Variants in FAM117A observed in about 807,000 individuals in gnomAD.
FAM117A encodes the protein protein FAM117A.
In FAM117A, 21 loss-of-function variants were observed where a neutral mutation model predicts 44.1. That is an observed-to-expected ratio of 0.48 (90% CI 0.34 to 0.69). The LOEUF (loss-of-function observed/expected upper bound fraction) is 0.69, where lower values mean the gene tolerates loss of function less well. FAM117A is among the 30% of genes least tolerant of loss of function. The pLI, the probability that FAM117A is intolerant of heterozygous loss-of-function variation, is 0.01. For synonymous variants in FAM117A, 220 were observed against 238.3 expected (o/e 0.92, Z 0.71); for missense variants, 498 against 589.9 (o/e 0.84, Z 1.61).
Position 49,785,055 on chromosome 17 carries a change from G to A in FAM117A, c.-621+3442C>T, listed in dbSNP as rs2073801851. Reference sequence around the variant, plus strand: ...AGAATGTTATAGCCATGATTAGAGTGACTGGAAATATAAATAACAATAGCC... The same window carrying A: ...AGAATGTTATAGCCATGATTAGAGTAACTGGAAATATAAATAACAATAGCC... On this transcript the variant is annotated intron_variant, in intron 1 of 7. Transcript: ENST00000513602. Among the ~76,000 whole-genome samples the A allele has an allele frequency of 2.0e-5, 3 of 152,340 alleles. No individual in the cohort carries two copies. In the South Asian group the frequency reaches 6.2e-4, roughly 32 times the overall value.
intron 1 of FAM117A, among the ~76,000 whole-genome samples, chr17:49,774,412 C>T (rs868279144): frequency 3.4e-5 from 5 of 147,608 alleles, no homozygotes; most frequent in African/African-American, 5.0e-5. Context: ...CAGGCTGGAG[C>T]GCAATGGCGT....
chr17:49,776,028 C>A (rs145915114), intron 1 of FAM117A, among the ~76,000 whole-genome samples: 1 of 152,140 alleles, frequency 6.6e-6, no homozygotes, highest in Admixed American at 6.5e-5. Context: ...AGCACCACCC[C>A]CCTCCCTTCA....
upstream of FAM117A, chr17:49,788,695 AC>A (rs1424905350): frequency 6.6e-6 from 6 of 905,644 alleles, no homozygotes; most frequent in Middle Eastern, 3.6e-4. Flanking sequence ...AACGCTCCAG[AC>A]GCTGAGAGGC....
At chr17:49,736,464 C>T (rs561970861) in intron 1 of FAM117A, among the ~76,000 whole-genome samples, 1 of 152,068 alleles carries the variant, frequency 6.6e-6, no homozygotes, top group East Asian at 1.9e-4. Flanking sequence ...TCACCATGGT[C>T]TCGATCTCCT....
intron 1 of FAM117A, among the ~76,000 whole-genome samples, chr17:49,752,268 C>T (rs529033009): frequency 9.2e-5 from 14 of 152,224 alleles, no homozygotes; most frequent in Admixed American, 7.2e-4. Flanking sequence ...ATGCCTGTCT[C>T]GGAAGAGCAC....
intron 1 of FAM117A, among the ~76,000 whole-genome samples, chr17:49,737,117 TGAGGC>T (rs763327918): frequency 1.3e-5 from 2 of 152,234 alleles, no homozygotes; most frequent in Non-Finnish European, 2.9e-5. Flanking sequence ...TTTCTCTCTC[TGAGGC>T]TCAGGAAGGC....
At chr17:49,781,906 G>A (rs1244246265) in intron 1 of FAM117A, among the ~76,000 whole-genome samples, 1 of 152,074 alleles carries the variant, frequency 6.6e-6, no homozygotes, top group Non-Finnish European at 1.5e-5. Flanking sequence ...AAACCAGGAG[G>A]TTAAGTTTGC....
chr17:49,735,715 T>C (rs2073607792), intron 1 of FAM117A, among the ~76,000 whole-genome samples: 1 of 152,296 alleles, frequency 6.6e-6, no homozygotes, highest in Non-Finnish European at 1.5e-5. Context: ...TCTTCCTGCC[T>C]TGGCCTCCCA....
intron 7 of FAM117A, among the ~76,000 whole-genome samples, chr17:49,713,533 G>T (rs1423043170): frequency 6.6e-6 from 1 of 151,586 alleles, no homozygotes; most frequent in Non-Finnish European, 1.5e-5. Context: ...TTTGGACAGG[G>T]TCTCACTCTG....
intron 1 of FAM117A, among the ~76,000 whole-genome samples, chr17:49,777,131 C>A (rs932850818): frequency 6.6e-6 from 1 of 152,082 alleles, no homozygotes; most frequent in Non-Finnish European, 1.5e-5. Flanking sequence ...ATGATGGGCA[C>A]CCCTGCCTGC....
chr17:49,778,349 C>T (rs2073780607), intron 1 of FAM117A, among the ~76,000 whole-genome samples: 1 of 152,206 alleles, frequency 6.6e-6, no homozygotes, highest in South Asian at 2.1e-4. Context: ...CATGGTCCCT[C>T]CTCTGGAGAA....
upstream of FAM117A, chr17:49,788,936 GGGTCCCA>G (rs1358204390): frequency 8.6e-6 from 11 of 1,279,146 alleles, no homozygotes; most frequent in Non-Finnish European, 1.2e-5. Context: ...CACAGTGCTT[GGGTCCCA>G]ACTTTCCGCT....
intron 7 of FAM117A, among the ~76,000 whole-genome samples, chr17:49,712,002 C>T (rs1567824417): frequency 6.6e-6 from 1 of 152,134 alleles, no homozygotes; most frequent in African/African-American, 2.4e-5. Context: ...AAAAATTAGC[C>T]GGGTGTGGCA....
intron 1 of FAM117A, among the ~76,000 whole-genome samples, chr17:49,756,327 T>C (rs2143776314): frequency 6.6e-6 from 1 of 152,268 alleles, no homozygotes; most frequent in East Asian, 1.9e-4. Context: ...GAGTTGCACA[T>C]TAATCCTTCC....
Position 49,763,873 on chromosome 17 carries a change from C to A in FAM117A, c.196+19G>T. The A allele has an allele frequency of 8.2e-7, 1 of 1,225,258 alleles. No homozygotes were observed. Among genetic ancestry groups the A allele is most frequent in the Non-Finnish European group, 1.0e-6 (1 of 982,942 alleles). The allele number at this position is 1,225,258 out of a possible 1,614,324, so 75.9% of individuals were successfully genotyped here. A position where few individuals can be genotyped will look rare whatever the true frequency, so the allele number is the denominator to read the frequency against. ...CCCCAATGGCTCCTTCCACGGCACC[C>A]GCTCCAGGCCCGGCTCACCTGCACG... On this transcript the variant is annotated intron_variant, in intron 1 of 7. Coordinates refer to ENST00000240364, the MANE Select transcript of FAM117A (RefSeq NM_030802.4).
intron 1 of FAM117A, among the ~76,000 whole-genome samples, chr17:49,787,573 G>A (rs1461451663): frequency 1.3e-5 from 2 of 152,140 alleles, no homozygotes; most frequent in African/African-American, 2.4e-5. Context: ...ATCTTAACGG[G>A]GCCTCAGTTT....
At chr17:49,748,807 A>G (rs540723148) in intron 1 of FAM117A, among the ~76,000 whole-genome samples, 3 of 152,314 alleles carry the variant, frequency 2.0e-5, no homozygotes, top group Admixed American at 6.5e-5. Flanking sequence ...AGCTGGGGGA[A>G]AACATCAGTA....
At chr17:49,787,160 T>A (rs2073815885) in intron 1 of FAM117A, among the ~76,000 whole-genome samples, 2 of 152,204 alleles carry the variant, frequency 1.3e-5, no homozygotes, top group Admixed American at 6.5e-5. Flanking sequence ...ATGTAAGAGA[T>A]CCTTACCACC....
At chr17:49,762,352 T>C (rs1165743357) in intron 1 of FAM117A, among the ~76,000 whole-genome samples, 1 of 152,236 alleles carries the variant, frequency 6.6e-6, no homozygotes, top group Admixed American at 6.5e-5. Flanking sequence ...TTATAACTCA[T>C]GATAGGCATG....
Sources: allele counts gnomAD v4.1 joint callset (sites outside exome capture counted in the v4.1 genomes callset), GRCh38; gene constraint gnomAD v4.1.1; transcripts MANE v1.5; gene names NCBI Gene and HGNC (gene_info 2026-07-23, HGNC 2026-07-21).